Variants in ORC4 observed in about 807,000 individuals in gnomAD.
ORC4 encodes origin recognition complex subunit 4.
In ORC4, 55 loss-of-function variants were observed where a neutral mutation model predicts 63.9. The observed-to-expected ratio is 0.86, with a 90% CI of 0.69 to 1.08. The LOEUF (loss-of-function observed/expected upper bound fraction) is 1.08. Ranked by LOEUF, ORC4 falls within the 50% of genes least tolerant of loss-of-function variation. ORC4 has a pLI of 0.00. For missense variants in ORC4, 511 were observed against 504.4 expected (o/e 1.01, Z -0.13); for synonymous variants, 150 against 168.5 (o/e 0.89, Z 0.85).
chr2:147,953,171 A>T (rs1002016913), intron 7 of ORC4, among the ~76,000 whole-genome samples: 1 of 76,174 alleles, frequency 1.3e-5, no homozygotes, highest in East Asian at 2.6e-4. Context: ...CTCTGCTATT[A>T]AAAAAAAAAA....
intron 4 of ORC4, among the ~76,000 whole-genome samples, chr2:147,967,368 T>C (rs1689952176): frequency 6.6e-6 from 1 of 151,980 alleles, no homozygotes; most frequent in Non-Finnish European, 1.5e-5. Flanking sequence ...TTCATTCCTT[T>C]TTGCAGATGA....
chr2:148,003,997 C>T (rs1030451692), intron 1 of ORC4, among the ~76,000 whole-genome samples: 1 of 152,120 alleles, frequency 6.6e-6, no homozygotes, highest in South Asian at 2.1e-4. Context: ...CATGAGTGAA[C>T]TCCCATTCGC....
chr2:147,958,609 C>A, intron 5 of ORC4, 182 bp downstream of exon 5: 1 of 573,904 alleles, frequency 1.7e-6, no homozygotes, highest in Non-Finnish European at 3.1e-6. Flanking sequence ...AAACCAGAGT[C>A]CTTCTGCGAC....
rs1690901808 is a variant in ORC4, at chr2:147,981,711, A to G, written c.-17-5736T>C. Among the ~76,000 whole-genome samples, 3 of 145,044 alleles carry G rather than the reference A, an allele frequency of 2.1e-5. 1 individual carries two copies. In the South Asian group the frequency reaches 6.9e-4, roughly 33 times the overall value. On this transcript the variant is annotated intron_variant, in intron 1 of 13. Transcript: ENST00000392857. ...ATTTTTATTCATCAATTAGAAAAAA[A>G]ACATATAAAATATACATCAAAAAGC...
At chr2:147,949,762 T>C (rs1195802103) in intron 8 of ORC4, among the ~76,000 whole-genome samples, 1 of 152,132 alleles carries the variant, frequency 6.6e-6, no homozygotes, top group Non-Finnish European at 1.5e-5. Flanking sequence ...AAAGGAGATG[T>C]TGAGGATAAA....
chr2:147,971,143 T>C (rs1157949109), intron 4 of ORC4, among the ~76,000 whole-genome samples: 1 of 151,796 alleles, frequency 6.6e-6, no homozygotes, highest in Non-Finnish European at 1.5e-5. Context: ...TTCTTGTAAG[T>C]AAGTAAGTAA....
At chr2:147,970,700 T>C (rs1393024562) in intron 4 of ORC4, among the ~76,000 whole-genome samples, 1 of 151,384 alleles carries the variant, frequency 6.6e-6, no homozygotes, top group Non-Finnish European at 1.5e-5. Flanking sequence ...CACAGACCTA[T>C]ATATAAAATG....
At chr2:148,006,249 C>T (rs1157149972) in intron 1 of ORC4, among the ~76,000 whole-genome samples, 1 of 152,150 alleles carries the variant, frequency 6.6e-6, no homozygotes, top group Non-Finnish European at 1.5e-5. Flanking sequence ...CAACACAGGG[C>T]ATTCTGCTGG....
At chr2:147,980,782 A>G (rs1690838904) in intron 1 of ORC4, among the ~76,000 whole-genome samples, 1 of 152,220 alleles carries the variant, frequency 6.6e-6, no homozygotes, top group Non-Finnish European at 1.5e-5. Context: ...GTAAATTAGT[A>G]TAATCATTAT....
chr2:147,947,368 A>G (rs888868384), intron 9 of ORC4, among the ~76,000 whole-genome samples: 1 of 152,060 alleles, frequency 6.6e-6, no homozygotes, highest in African/African-American at 2.4e-5. Context: ...ACACATATGC[A>G]TACTTCCTCC....
intron 8 of ORC4, among the ~76,000 whole-genome samples, chr2:147,950,131 C>T (rs1688872908): frequency 6.6e-6 from 1 of 152,044 alleles, no homozygotes; most frequent in Non-Finnish European, 1.5e-5. Context: ...AACTAAAAGA[C>T]AAGAAAGGTT....
At chr2:147,945,423 T>C (rs1204533230) in intron 9 of ORC4, among the ~76,000 whole-genome samples, 2 of 152,024 alleles carry the variant, frequency 1.3e-5, no homozygotes. Flanking sequence ...ACAAAAAAAA[T>C]TGTCTAACCT....
intron 1 of ORC4, among the ~76,000 whole-genome samples, chr2:148,001,066 G>C (rs182766339): frequency 1.2e-4 from 19 of 152,216 alleles, no homozygotes; most frequent in Admixed American, 7.2e-4. Context: ...AACTGGGGTA[G>C]TGACAGCTAC....
chr2:147,983,332 G>C (rs1330739300), intron 1 of ORC4, among the ~76,000 whole-genome samples: 3 of 152,168 alleles, frequency 2.0e-5, no homozygotes, highest in African/African-American at 7.2e-5. Flanking sequence ...TGAGCCAATG[G>C]GGTTAATGAA....
At chr2:147,948,599 G>A (rs1379556728) in intron 8 of ORC4, among the ~76,000 whole-genome samples, 3 of 151,318 alleles carry the variant, frequency 2.0e-5, no homozygotes, top group African/African-American at 7.3e-5. Context: ...TAGCATGATA[G>A]GCAGCAGGAA....
intron 1 of ORC4, among the ~76,000 whole-genome samples, chr2:147,991,657 C>T (rs1441628164): frequency 1.3e-5 from 2 of 151,854 alleles, no homozygotes; most frequent in Non-Finnish European, 2.9e-5. Context: ...GGTGAAACCC[C>T]GTCTCTACTA....
chr2:147,995,829 CG>C (rs1380120982), intron 1 of ORC4, among the ~76,000 whole-genome samples: 2 of 152,102 alleles, frequency 1.3e-5, no homozygotes, highest in Non-Finnish European at 1.5e-5. Context: ...CGAGGGTCTG[CG>C]GCTTCATTCT....
upstream of ORC4, chr2:148,021,281 G>A (rs1025934526): frequency 5.6e-6 from 2 of 359,060 alleles, no homozygotes; most frequent in Non-Finnish European, 1.1e-5. Flanking sequence ...AGCCCTGAGA[G>A]GGGGATTGAG....
chr2:147,943,914 CAA>C (rs951556855), intron 9 of ORC4, among the ~76,000 whole-genome samples: 2 of 151,906 alleles, frequency 1.3e-5, no homozygotes, highest in African/African-American at 4.8e-5. Context: ...CTGGATGAGA[CAA>C]GAGATTTAAA....
Sources: allele counts gnomAD v4.1 joint callset (sites outside exome capture counted in the v4.1 genomes callset), GRCh38; gene constraint gnomAD v4.1.1; transcripts MANE v1.5; gene names NCBI Gene and HGNC (gene_info 2026-07-23, HGNC 2026-07-21).